RSU1: variants seen among roughly 807,000 people sequenced by gnomAD.
RSU1 encodes Ras suppressor protein 1.
A neutral mutation model predicts 31.1 loss-of-function variants in RSU1; 26 were observed. That is an observed-to-expected ratio of 0.84 (90% confidence interval 0.61 to 1.16). The LOEUF (loss-of-function observed/expected upper bound fraction) is 1.16. Ranked by LOEUF, RSU1 falls within the 50% of genes most tolerant of loss-of-function variation. RSU1 has a pLI of 0.00. For synonymous variants in RSU1, 164 were observed against 136.3 expected, an observed-to-expected ratio of 1.20 and a Z score of -1.41; for missense variants, 320 against 339.1, an observed-to-expected ratio of 0.94 and a Z score of 0.44.
intron 4 of RSU1, among the ~76,000 whole-genome samples, chr10:16,756,983 G>A (rs1374385591): frequency 6.6e-6 from 1 of 150,608 alleles, no homozygotes; most frequent in Admixed American, 6.6e-5. Context: ...GTGGTGTGGT[G>A]TGTGTATAGG....
rs529300578 is a variant in RSU1 at position 16,754,921 on chromosome 10, G to A, written c.350C>T (p.Thr117Met). Residue 117 changes from threonine to methionine, a missense_variant, in exon 5 of 9, where the codon ACG (threonine) becomes ATG (methionine). Transcript: ENST00000345264. Reference protein sequence around the residue: ...SLPALEVLDLTYNNLSENSLP... With the variant: ...SLPALEVLDLMYNNLSENSLP... Reference sequence around the variant, plus strand: ...AGAATTTTCGCTCAAGTTGTTGTACGTCAAGTCCAGAACCTCAAGAGCTGG... The same window carrying A: ...AGAATTTTCGCTCAAGTTGTTGTACATCAAGTCCAGAACCTCAAGAGCTGG... 12 of 1,613,292 alleles carry A rather than the reference G, an allele frequency of 7.4e-6. No homozygotes were observed. Among genetic ancestry groups the A allele is most frequent in the Middle Eastern group, 1.7e-4 (1 of 6,058 alleles).
chr10:16,627,973 C>T (rs375113639), intron 8 of RSU1, among the ~76,000 whole-genome samples: 9 of 152,164 alleles, frequency 5.9e-5, no homozygotes, highest in South Asian at 2.1e-4. Flanking sequence ...CATCCAGAGG[C>T]GAGACCAGCG....
chr10:16,781,206 A>G (rs975992573), intron 3 of RSU1, among the ~76,000 whole-genome samples: 5 of 152,204 alleles, frequency 3.3e-5, no homozygotes, highest in Admixed American at 2.6e-4. Context: ...TAGGAATGGG[A>G]AAGGAGCGTG....
intron 4 of RSU1, among the ~76,000 whole-genome samples, chr10:16,760,667 C>T (rs1484565667): frequency 6.6e-6 from 1 of 152,146 alleles, no homozygotes; most frequent in Admixed American, 6.5e-5. Flanking sequence ...CTGCCCAACA[C>T]AGAAATGAAG....
intron 8 of RSU1, among the ~76,000 whole-genome samples, chr10:16,595,398 G>T (rs1833594479): frequency 1.3e-5 from 2 of 152,178 alleles, no homozygotes; most frequent in African/African-American, 4.8e-5. Context: ...GTACAAGCAG[G>T]TTCCATCGGC....
intron 7 of RSU1, among the ~76,000 whole-genome samples, chr10:16,709,336 T>A (rs1202734382): frequency 3.9e-5 from 6 of 152,232 alleles, no homozygotes; most frequent in African/African-American, 1.4e-4. Context: ...CATCATTTTT[T>A]ATGGCTGCAT....
chr10:16,757,122 T>G (rs1837109666), intron 4 of RSU1, among the ~76,000 whole-genome samples: 2 of 151,682 alleles, frequency 1.3e-5, no homozygotes, highest in Non-Finnish European at 1.5e-5. Context: ...TGTGCGTGTG[T>G]GTGTGTGGGC....
At chr10:16,781,214 G>A (rs767529581) in intron 3 of RSU1, among the ~76,000 whole-genome samples, 7 of 152,112 alleles carry the variant, frequency 4.6e-5, no homozygotes, top group African/African-American at 1.2e-4. Context: ...GGAAAGGAGC[G>A]TGGGTCCCTG....
chr10:16,695,809 T>C (rs1241776691), intron 7 of RSU1, among the ~76,000 whole-genome samples: 1 of 152,216 alleles, frequency 6.6e-6, no homozygotes, highest in Non-Finnish European at 1.5e-5. Flanking sequence ...TTAACTAATA[T>C]GCCCAAGATC....
At chr10:16,614,502 A>G (rs1481586890) in intron 8 of RSU1, among the ~76,000 whole-genome samples, 1 of 152,318 alleles carries the variant, frequency 6.6e-6, no homozygotes, top group Non-Finnish European at 1.5e-5. Context: ...CTTAAAAATA[A>G]GAGTATCAAT....
chr10:16,681,614 A>G (rs1445421420), intron 8 of RSU1, among the ~76,000 whole-genome samples: 1 of 152,174 alleles, frequency 6.6e-6, no homozygotes, highest in East Asian at 1.9e-4. Context: ...AAAATAAAGA[A>G]CTGAGGATTA....
At chr10:16,710,808 C>T (rs1423311222) in intron 7 of RSU1, among the ~76,000 whole-genome samples, 1 of 152,038 alleles carries the variant, frequency 6.6e-6, no homozygotes, top group African/African-American at 2.4e-5. Flanking sequence ...CAATGCTATC[C>T]CTCCTCTTAC....
intron 7 of RSU1, among the ~76,000 whole-genome samples, chr10:16,698,631 G>A (rs1369137453): frequency 2.6e-5 from 4 of 152,234 alleles, no homozygotes; most frequent in African/African-American, 4.8e-5. Flanking sequence ...CCCAAGTGAT[G>A]TCTCTATTTA....
intron 3 of RSU1, among the ~76,000 whole-genome samples, chr10:16,772,661 A>C (rs78370116): frequency 1.1e-4 from 16 of 143,780 alleles, no homozygotes; most frequent in Non-Finnish European, 1.1e-4. Context: ...AAAAAAAAAA[A>C]CAAGAAAAAA....
At chr10:16,733,269 T>A (rs1399045800) in intron 7 of RSU1, among the ~76,000 whole-genome samples, 1 of 144,880 alleles carries the variant, frequency 6.9e-6, no homozygotes, top group Non-Finnish European at 1.5e-5. Context: ...GATGGACGGA[T>A]CACCTGAGGT....
intron 2 of RSU1, among the ~76,000 whole-genome samples, chr10:16,801,096 T>A (rs200093120): frequency 0.18 from 27,337 of 148,326 alleles, 2,507 homozygotes; most frequent in Middle Eastern, 0.22. Context: ...GATCTTTTTT[T>A]TAAAAAAAAA....
intron 7 of RSU1, among the ~76,000 whole-genome samples, chr10:16,729,547 C>G (rs1351639571): frequency 6.6e-6 from 1 of 152,140 alleles, no homozygotes; most frequent in African/African-American, 2.4e-5. Context: ...GGAAGGTGAT[C>G]ACTGATCTGC....
chr10:16,616,324 C>T (rs894212101), intron 8 of RSU1, among the ~76,000 whole-genome samples: 3 of 142,862 alleles, frequency 2.1e-5, no homozygotes, highest in African/African-American at 7.8e-5. Context: ...TCTGAAGAGA[C>T]CAATAACAAA....
chr10:16,602,263 G>A (rs1379456871), intron 8 of RSU1, among the ~76,000 whole-genome samples: 12 of 152,148 alleles, frequency 7.9e-5, no homozygotes, highest in Admixed American at 2.6e-4. Flanking sequence ...TCCTGACCTT[G>A]GCATGTTACC....
Sources: gnomAD v4.1 joint callset for allele counts (sites outside exome capture counted in the v4.1 genomes callset) on GRCh38, gnomAD v4.1.1 for gene constraint, MANE v1.5 for transcripts, NCBI Gene and HGNC (gene_info 2026-07-23, HGNC 2026-07-21) for gene names.